The following SLC39A10 variants were observed in gnomAD, a reference collection of about 807,000 sequenced individuals.
SLC39A10 encodes the protein solute carrier family 39 member 10, also known as zinc transporter ZIP10.
Under a neutral mutation model 65.1 loss-of-function variants are expected in SLC39A10, and 13 were observed. The ratio of observed to expected loss-of-function variants is 0.20; its 90% CI spans 0.13 to 0.32. SLC39A10 has a LOEUF of 0.32. Among genes scored for constraint, SLC39A10 ranks in the 10% least tolerant of loss-of-function variants. The pLI is 1.00. For synonymous variants in SLC39A10, 321 were observed against 342.2 expected (o/e 0.94, Z 0.68); for missense variants, 831 against 1,018.4 (o/e 0.82, Z 2.50).
At chr2:195,688,588 C>T (rs1016162502) in intron 3 of SLC39A10, among the ~76,000 whole-genome samples, 8 of 152,000 alleles carry the variant, frequency 5.3e-5, no homozygotes, top group African/African-American at 1.7e-4. Flanking sequence ...AAGACATGTT[C>T]GTAATGTTGT....
At chr2:195,672,548 C>T (rs1355278709) in intron 1 of SLC39A10, among the ~76,000 whole-genome samples, 2 of 152,178 alleles carry the variant, frequency 1.3e-5, no homozygotes, top group African/African-American at 4.8e-5. Flanking sequence ...TACCTCATAA[C>T]GTTGCTTGTA....
chr2:195,716,232 AG>A (rs1213169396), intron 6 of SLC39A10, among the ~76,000 whole-genome samples: 2 of 152,110 alleles, frequency 1.3e-5, no homozygotes, highest in Non-Finnish European at 2.9e-5. Flanking sequence ...ATAAGGGAGG[AG>A]GGGGTCTAGA....
chr2:195,680,704 A>G lies in SLC39A10; in HGVS notation c.662A>G (p.Gln221Arg), dbSNP rs761347612. 3.7e-6 allele frequency: 6 copies of G among 1,614,160 alleles called. No individual in the cohort carries two copies. The Admixed American group carries it at 1.0e-4, about 27-fold the overall frequency. ...CCTTCAACAGAGACCAATAAAACCC[A>G]GGAACAATCTGATGTTAAACTACCG... ...NEPSTETNKT[Q>R]EQSDVKLPKG... Residue 221 changes from glutamine to arginine, a missense_variant, in exon 2 of 10, where the codon CAG becomes CGG. By Grantham distance (43) the Gln-to-Arg change is conservative. Around this residue, in one of 4 missense-constraint regions of SLC39A10, gnomAD observed 446 missense variants for 499.2 expected, o/e 0.89. Coordinates refer to ENST00000359634, the MANE Select transcript of SLC39A10 (RefSeq NM_020342.3).
At chr2:195,698,552 T>G (rs1430267417) in intron 3 of SLC39A10, among the ~76,000 whole-genome samples, 1 of 152,070 alleles carries the variant, frequency 6.6e-6, no homozygotes, top group Non-Finnish European at 1.5e-5. Context: ...TGTCATGTGC[T>G]TTTTCTGCTC....
rs535843934 is a variant in SLC39A10, at chr2:195,718,573, A to G, written c.2146+241A>G. On this transcript the variant is annotated intron_variant, in intron 8 of 9. Transcript: ENST00000359634. ...TCAATAACATAGTTATGCTGTTATA[A>G]TGAAGATTATAGATTATGACTGGTT... 1.6e-4 allele frequency among the ~76,000 whole-genome samples: 25 copies of G among 152,322 alleles called. 1 individual carries two copies. The highest frequency in any genetic ancestry group is 1.4e-3 in the Admixed American group (21 of 15,298).
At chr2:195,613,449 A>G (rs1217742357) in intron 2 of SLC39A10, among the ~76,000 whole-genome samples, 2 of 152,222 alleles carry the variant, frequency 1.3e-5, no homozygotes, top group Admixed American at 6.5e-5. Context: ...TTACAAAGGA[A>G]TGGTACAGCT....
At chr2:195,615,872 A>G in intron 2 of SLC39A10, among the ~76,000 whole-genome samples, 1 of 152,202 alleles carries the variant, frequency 6.6e-6, no homozygotes, top group East Asian at 1.9e-4. Context: ...TATAATTCCT[A>G]TGGCAGTGAC....
intron 2 of SLC39A10, among the ~76,000 whole-genome samples, chr2:195,619,525 G>GAAAAGCCTACCGCAAATAC: frequency 6.6e-6 from 1 of 152,266 alleles, no homozygotes; most frequent in African/African-American, 2.4e-5. Flanking sequence ...CAGGGCTGAG[G>GAAAAGCCTACCGCAAATAC]TGTGATGTGC....
intron 3 of SLC39A10, among the ~76,000 whole-genome samples, chr2:195,697,165 C>G (rs941118121): frequency 1.3e-5 from 2 of 152,044 alleles, no homozygotes; most frequent in Non-Finnish European, 2.9e-5. Flanking sequence ...AGTTCAAACC[C>G]ATGTTGCTCA....
At chr2:195,618,305 C>T (rs370177221) in intron 2 of SLC39A10, among the ~76,000 whole-genome samples, 1 of 146,216 alleles carries the variant, frequency 6.8e-6, no homozygotes, top group Non-Finnish European at 1.5e-5. Flanking sequence ...GAGCTGAGAT[C>T]GTGCCATTGC....
At chr2:195,707,803 G>A (rs1691460347) in intron 4 of SLC39A10, among the ~76,000 whole-genome samples, 1 of 152,082 alleles carries the variant, frequency 6.6e-6, no homozygotes, top group Non-Finnish European at 1.5e-5. Context: ...ACCTTTTTGA[G>A]TGGTCTGATA....
intron 1 of SLC39A10, chr2:195,670,326 A>G (rs1689807051): frequency 6.6e-6 from 1 of 152,142 alleles, no homozygotes. Flanking sequence ...TTGAGCTAAC[A>G]AATACATTAT....
rs141504146 is a variant in SLC39A10, at chr2:195,708,769, T to C, written c.1500T>C (p.Val500=). The change falls in exon 5 of 10, where the codon GTT becomes GTC. Residue 500 remains valine, a synonymous_variant. Coordinates refer to ENST00000359634, the MANE Select transcript of SLC39A10 (RefSeq NM_020342.3). The part of the protein sequence containing the change: ...EEYDAVLKGL[V]ALGGIYLLFI... ...ATGATGCTGTATTGAAAGGACTTGT[T>C]GCTCTAGGAGGCATTTACTTGCTAT... is the stretch of plus-strand genomic sequence containing the variant. 10 of 1,613,416 alleles carry C rather than the reference T, an allele frequency of 6.2e-6. No homozygotes were observed. In the African/African-American group the frequency reaches 1.2e-4, roughly 19 times the overall value.
rs769657538 is a variant in SLC39A10, at chr2:195,735,361, T to C, written c.*320T>C. 18 of 184,336 alleles carry C rather than the reference T, an allele frequency of 9.8e-5. No homozygotes were observed. The highest frequency in any genetic ancestry group is 1.9e-4 in the Non-Finnish European group (17 of 89,640). The allele number at this position is 184,336 out of a possible 1,614,324, so 11.4% of individuals were successfully genotyped here. ...CTTTATTAGTAGAAACTTCTGTGGC[T>C]ATGCAGAAATAGAGATCGAACCAAA... On this transcript the variant is annotated 3_prime_UTR_variant, in exon 10 of 10. Coordinates refer to ENST00000359634, the MANE Select transcript of SLC39A10 (RefSeq NM_020342.3).
intron 3 of SLC39A10, among the ~76,000 whole-genome samples, chr2:195,700,566 C>T (rs563551959): frequency 1.1e-4 from 16 of 152,294 alleles, no homozygotes; most frequent in African/African-American, 1.9e-4. Context: ...GTCCTTTCCC[C>T]TTGAAGGACT....
At chr2:195,656,377 G>A (rs768086425), upstream of SLC39A10, among the ~76,000 whole-genome samples, 15 of 152,192 alleles carry the variant, frequency 9.9e-5, no homozygotes, top group Admixed American at 2.0e-4. Context: ...GGGCAAGAAT[G>A]AGCACGGTGT....
In SLC39A10 at chr2:195,728,269, G is replaced by T; in HGVS notation, c.2257G>T (p.Gly753Cys). 1 of 1,614,028 alleles carries T rather than the reference G, an allele frequency of 6.2e-7. No individual in the cohort carries two copies. The highest frequency in any genetic ancestry group is 8.5e-7 in the Non-Finnish European group (1 of 1,179,932). ...YIGMLIGTAV[G>C]QYANNITLWI... ...AGGCATGCTCATAGGCACAGCTGTTGGTCAGTATGCCAATAACATCACACT... is the reference window on the plus strand; with the variant it reads ...AGGCATGCTCATAGGCACAGCTGTTTGTCAGTATGCCAATAACATCACACT... Residue 753 changes from glycine (G) to cysteine (C), a missense_variant, in exon 9 of 10, where the codon GGT becomes TGT. Physicochemically the swap from Gly to Cys is radical, Grantham distance 159. This residue lies in a region of SLC39A10 where 120 missense variants were observed against 203.9 expected (regional missense o/e 0.59). Transcript: ENST00000359634. The surrounding 1 kb of genome is among the most constrained non-coding windows in gnomAD (Gnocchi z 4.4).
At chr2:195,701,884 G>A (rs1691208386) in intron 3 of SLC39A10, among the ~76,000 whole-genome samples, 1 of 151,858 alleles carries the variant, frequency 6.6e-6, no homozygotes. Flanking sequence ...TTTTTGTCAT[G>A]TTGCCCAGGC....
chr2:195,657,748 C>A, intron 1 of SLC39A10: 1 of 552,538 alleles, frequency 1.8e-6, no homozygotes. Flanking sequence ...GTAGGCAGGT[C>A]TTCGGGGGCT....
Sources: gnomAD v4.1 joint callset for allele counts (sites outside exome capture counted in the v4.1 genomes callset) on GRCh38, gnomAD v4.1.1 for gene constraint, gnomAD v4.1.1 regional missense constraint, Gnocchi (gnomAD v3.1) non-coding constraint, MANE v1.5 for transcripts, NCBI Gene and HGNC (gene_info 2026-07-23, HGNC 2026-07-21) for gene names.